Variants in SHANK2 observed in about 807,000 individuals in gnomAD.
SHANK2 encodes the protein SH3 and multiple ankyrin repeat domains 2.
SHANK2 carries 43 observed loss-of-function variants against 133.7 expected under a neutral mutation model. The ratio of observed to expected loss-of-function variants is 0.32; its 90% confidence interval spans 0.25 to 0.41. The LOEUF is 0.41. SHANK2 is among the 10% of genes least tolerant of loss of function. The pLI, the probability that SHANK2 is intolerant of heterozygous loss-of-function variation, is 1.00. For synonymous variants in SHANK2, 1,017 were observed against 952.8 expected, an observed-to-expected ratio of 1.07 and a Z score of -1.24; for missense variants, 1,994 against 2,235.8, an observed-to-expected ratio of 0.89 and a Z score of 2.18.
chr11:70,638,309 CAG>C (rs1341836945), intron 17 of SHANK2, among the ~76,000 whole-genome samples: 5 of 152,230 alleles, frequency 3.3e-5, no homozygotes, highest in Admixed American at 3.3e-4. Flanking sequence ...CTCCCAGTGA[CAG>C]AGGACCCAGG....
chr11:70,756,708 G>C (rs956280535), intron 14 of SHANK2, among the ~76,000 whole-genome samples: 1 of 152,192 alleles, frequency 6.6e-6, no homozygotes, highest in Non-Finnish European at 1.5e-5. Flanking sequence ...CACACTCTGG[G>C]GCACCAGGCA....
At chr11:70,915,708 C>T (rs1156963421) in intron 10 of SHANK2, among the ~76,000 whole-genome samples, 1 of 152,174 alleles carries the variant, frequency 6.6e-6, no homozygotes. Flanking sequence ...GGGCTGCCTG[C>T]CTCGCGGGAC....
chr11:70,591,157 A>T lies in SHANK2; in HGVS notation c.2061+68671T>A, dbSNP rs184462660. On this transcript the variant is annotated intron_variant, in intron 17 of 25. Coordinates refer to ENST00000601538, the MANE Select transcript of SHANK2 (RefSeq NM_012309.5). ...ACTTGAGGTCAGGAGTTCGAGACCA[A>T]CCTGGCCAACATGGTGAAACCCTGT... is the stretch of plus-strand genomic sequence containing the variant. 2.0e-5 allele frequency among the ~76,000 whole-genome samples: 3 copies of T among 152,052 alleles called. No homozygotes were observed. The East Asian group carries it at 5.8e-4, about 30-fold the overall frequency.
rs1164053949 is a variant in SHANK2 at position 71,085,938 on chromosome 11, TTAA to T, written c.912+6481_912+6483del. 6.2e-4 allele frequency among the ~76,000 whole-genome samples: 17 copies of T among 27,322 alleles called. 1 individual carries two copies. The highest frequency in any genetic ancestry group is 2.8e-3 in the African/African-American group (13 of 4,646). The allele number at this position is 27,322 out of a possible 152,430, so 17.9% of individuals were successfully genotyped here. On this transcript the variant is annotated intron_variant, in intron 8 of 25. Coordinates refer to ENST00000601538, the MANE Select transcript of SHANK2 (RefSeq NM_012309.5). ...ATATAACATAATAAATTGTTATATA[TTAA>T]TATGTTATATATATTATGTTATATA...
intron 8 of SHANK2, among the ~76,000 whole-genome samples, chr11:71,088,043 G>C (rs1378318153): frequency 1.3e-5 from 2 of 152,184 alleles, no homozygotes; most frequent in East Asian, 3.9e-4. Flanking sequence ...TCTTCATGAA[G>C]TCAGTGACTG....
chr11:70,539,882 G>A (rs1591553365), intron 17 of SHANK2, among the ~76,000 whole-genome samples: 1 of 152,282 alleles, frequency 6.6e-6, no homozygotes, highest in East Asian at 1.9e-4. Flanking sequence ...GGTTCCTCTG[G>A]GGACTGCGAG....
At chr11:70,714,872 C>T (rs1330179795) in intron 14 of SHANK2, among the ~76,000 whole-genome samples, 2 of 152,002 alleles carry the variant, frequency 1.3e-5, no homozygotes, top group African/African-American at 4.8e-5. Context: ...GCAGTGCAAT[C>T]ATAGCTCACT....
chr11:70,572,517 G>A (rs1435935816), intron 17 of SHANK2, among the ~76,000 whole-genome samples: 1 of 152,134 alleles, frequency 6.6e-6, no homozygotes, highest in East Asian at 1.9e-4. Flanking sequence ...GGATTTAGCT[G>A]ACTCAGACAG....
In SHANK2 at chr11:70,471,074, T is replaced by A. The variant is rs1271208355; in HGVS notation, c.*1795A>T. 2 of 389,198 alleles carry A rather than the reference T, an allele frequency of 5.1e-6. No individual in the cohort carries two copies. Among genetic ancestry groups the A allele is most frequent in the Non-Finnish European group, 9.1e-6 (2 of 220,776 alleles). The allele number at this position is 389,198 out of a possible 1,614,324, so 24.1% of individuals were successfully genotyped here. ...AGTATTATTAAATCACAAAAGTTTT[T>A]TTTTCTTTAACTTTCTAGCACTGAA... On this transcript the variant is annotated 3_prime_UTR_variant, in exon 26 of 26. Transcript: ENST00000601538. This position sits in a 1 kb window ranked among gnomAD's most constrained non-coding sequence, Gnocchi z 4.1.
intron 21 of SHANK2, among the ~76,000 whole-genome samples, chr11:70,494,922 G>C (rs1037716072): frequency 1.3e-5 from 2 of 152,160 alleles, no homozygotes; most frequent in African/African-American, 4.8e-5. Context: ...TGTTATTCCT[G>C]GACCCACAAG....
intron 14 of SHANK2, among the ~76,000 whole-genome samples, chr11:70,742,374 G>A (rs578207315): frequency 2.0e-5 from 3 of 152,260 alleles, no homozygotes; most frequent in African/African-American, 7.2e-5. Context: ...TGAAGAAAAA[G>A]GGCCTGTCCC....
At position 71,144,843 on chromosome 11, in the gene SHANK2, G is replaced by A. The variant is rs117359824; in HGVS notation, c.207+2277C>T. Among the ~76,000 whole-genome samples, 691 of 152,242 alleles carry A rather than the reference G, an allele frequency of 4.5e-3. 3 individuals carry two copies. Among genetic ancestry groups the A allele is most frequent in the Admixed American group, 8.5e-3 (130 of 15,298 alleles). On this transcript the variant is annotated intron_variant, in intron 3 of 25. Coordinates refer to ENST00000601538, the MANE Select transcript of SHANK2 (RefSeq NM_012309.5). ...ATTCAAATAAAATAACATTGATGAT[G>A]CTCATTTCTTAAGAGCGTGTGTGGT...
chr11:71,079,442 G>A lies in SHANK2; in HGVS notation c.913-4167C>T, dbSNP rs1951262858. On this transcript the variant is annotated intron_variant, in intron 8 of 25. Coordinates refer to ENST00000601538, the MANE Select transcript of SHANK2 (RefSeq NM_012309.5). ...GCAACTATTCTATAAGCTGGAAATG[G>A]AAACAGTAATTTACAATTTTAAAAA... 2.0e-5 allele frequency among the ~76,000 whole-genome samples: 3 copies of A among 152,264 alleles called. 1 individual carries two copies. The highest frequency in any genetic ancestry group is 2.0e-4 in the Admixed American group (3 of 15,302).
At chr11:70,702,274 T>C (rs1945544113) in intron 14 of SHANK2, among the ~76,000 whole-genome samples, 1 of 142,560 alleles carries the variant, frequency 7.0e-6, no homozygotes, top group Non-Finnish European at 1.5e-5. Flanking sequence ...ATCACCACCA[T>C]CATCATCATC....
chr11:71,072,763 C>G (rs939647641), intron 9 of SHANK2, among the ~76,000 whole-genome samples: 1 of 152,140 alleles, frequency 6.6e-6, no homozygotes, highest in Non-Finnish European at 1.5e-5. Flanking sequence ...GGACAAACCT[C>G]GAAAACATTG....
intron 14 of SHANK2, among the ~76,000 whole-genome samples, chr11:70,728,110 A>G (rs1946211625): frequency 6.6e-6 from 1 of 152,228 alleles, no homozygotes. Flanking sequence ...CGGAGCCTAC[A>G]GCTTCCCTGG....
At chr11:70,912,479 T>C (rs1368889907) in intron 10 of SHANK2, among the ~76,000 whole-genome samples, 1 of 152,270 alleles carries the variant, frequency 6.6e-6, no homozygotes, top group Non-Finnish European at 1.5e-5. Context: ...GGAGATCTCA[T>C]AGGTTTACCA....
chr11:71,165,473 T>A (rs1381421357), intron 2 of SHANK2, among the ~76,000 whole-genome samples: 1 of 152,222 alleles, frequency 6.6e-6, no homozygotes, highest in Non-Finnish European at 1.5e-5. Flanking sequence ...CAGTGTATCC[T>A]GCTCCTAGGA....
chr11:70,512,908 C>A (rs1290965457), intron 17 of SHANK2, among the ~76,000 whole-genome samples: 3 of 152,184 alleles, frequency 2.0e-5, no homozygotes, highest in Non-Finnish European at 4.4e-5. Context: ...TATCTGTACA[C>A]TTAATTGGTA....
Sources: allele counts gnomAD v4.1 joint callset (sites outside exome capture counted in the v4.1 genomes callset), GRCh38; gene constraint gnomAD v4.1.1; non-coding constraint Gnocchi (gnomAD v3.1); transcripts MANE v1.5; gene names NCBI Gene and HGNC (gene_info 2026-07-23, HGNC 2026-07-21).